C2CD3: variants seen among roughly 807,000 people sequenced by gnomAD.
The protein encoded by C2CD3 is C2 domain-containing protein 3.
C2CD3 carries 148 observed loss-of-function variants against 234.0 expected under a neutral mutation model. The observed-to-expected ratio is 0.63, with a 90% CI of 0.55 to 0.72. The LOEUF is 0.72. Among genes scored for constraint, C2CD3 ranks in the 30% least tolerant of loss-of-function variants. The probability of loss-of-function intolerance (pLI) is 0.00; values close to 1 mark genes in which losing one functional copy is unlikely to be tolerated. For synonymous variants in C2CD3, 1,000 were observed against 1,035.4 expected (o/e 0.97, Z 0.66); for missense variants, 2,577 against 2,811.5 (o/e 0.92, Z 1.89).
intron 13 of C2CD3, among the ~76,000 whole-genome samples, chr11:74,105,714 C>T (rs1019094698): frequency 6.6e-6 from 1 of 152,216 alleles, no homozygotes; most frequent in African/African-American, 2.4e-5. Context: ...ACCAGGCACA[C>T]TTAGTTACTG....
intron 32 of C2CD3, among the ~76,000 whole-genome samples, chr11:74,017,038 G>A (rs1215012461): frequency 1.3e-5 from 2 of 152,206 alleles, no homozygotes; most frequent in African/African-American, 2.4e-5. Context: ...ACGTGGAGGT[G>A]CAGGTTTTGT....
At chr11:74,062,824 A>C (rs1480814642) in intron 24 of C2CD3, among the ~76,000 whole-genome samples, 3 of 152,186 alleles carry the variant, frequency 2.0e-5, no homozygotes, top group East Asian at 1.9e-4. Context: ...CAAAAAAAAA[A>C]ACCAATGAAT....
chr11:74,090,880 G>T lies in C2CD3; in HGVS notation c.3574C>A (p.Leu1192Ile), dbSNP rs780518940. The T allele has an allele frequency of 6.2e-7, 1 of 1,614,022 alleles. No homozygotes were observed. Among genetic ancestry groups the T allele is most frequent in the Admixed American group, 1.7e-5 (1 of 60,012 alleles). ...RRSPRTAEGV[L>I]AARTVSISVQ... ...GAGATGGAAACAGTTCGGGCAGCAA[G>T]AACTCCCTCTGCTGTTCTTGGACTA... The change falls in exon 20 of 33, where the codon CTT becomes ATT. Residue 1192 changes from leucine (L) to isoleucine (I), a missense_variant. By Grantham distance (5) the Leu-to-Ile change is conservative. Transcript: ENST00000334126.
At position 74,095,255 on chromosome 11, in the gene C2CD3, G is replaced by T; in HGVS notation, c.3133C>A (p.Leu1045Met). The change falls in exon 17 of 33, where the codon CTG becomes ATG. Residue 1045 changes from leucine (L) to methionine (M), a missense_variant. Coordinates refer to ENST00000334126, the MANE Select transcript of C2CD3 (RefSeq NM_001286577.2). ...TTTTCAAGGAACTCAGGTCCTTTCA[G>T]CACACTGGATTGAGAGTGTTGAACT... ...FPVQHSQSSV[L>M]KGPEFLENGI... The T allele has an allele frequency of 6.2e-7, 1 of 1,612,974 alleles. No homozygotes were observed.
intron 26 of C2CD3, among the ~76,000 whole-genome samples, chr11:74,050,226 C>T (rs1953610960): frequency 6.6e-6 from 1 of 152,162 alleles, no homozygotes; most frequent in Non-Finnish European, 1.5e-5. Context: ...ATTTATACTT[C>T]TCTATATTTT....
chr11:74,139,813 C>G lies in C2CD3; in HGVS notation c.499G>C (p.Glu167Gln), dbSNP rs764277015. The change falls in exon 4 of 33, where the codon GAA becomes CAA. Residue 167 changes from glutamate (E) to glutamine (Q), a missense_variant. Transcript: ENST00000334126. ...CTGTCGTAAGTTTCTGACAGAGGTT[C>G]CAGGGCAAGTGAGACCTAAGAGAGA... ...LGELQVSLALEPLSETYDSYH... is the reference protein window; with the variant it reads ...LGELQVSLALQPLSETYDSYH... 8 of 1,610,508 alleles carry G rather than the reference C, an allele frequency of 5.0e-6. No individual in the cohort carries two copies. The highest frequency in any genetic ancestry group is 5.9e-6 in the Non-Finnish European group (7 of 1,176,798).
intron 12 of C2CD3, among the ~76,000 whole-genome samples, chr11:74,107,185 C>T (rs1359143664): frequency 6.6e-6 from 1 of 152,044 alleles, no homozygotes; most frequent in African/African-American, 2.4e-5. Flanking sequence ...ATTAGCTGGG[C>T]ATGGTGGCGG....
intron 15 of C2CD3, among the ~76,000 whole-genome samples, chr11:74,098,798 G>A (rs1006131907): frequency 6.6e-6 from 1 of 152,190 alleles, no homozygotes; most frequent in Non-Finnish European, 1.5e-5. Context: ...CAACTAGTAG[G>A]AGGTTAAGTT....
chr11:74,078,281 T>C lies in C2CD3; in HGVS notation c.4437A>G (p.Pro1479=), dbSNP rs765157060. 2.5e-6 allele frequency: 4 copies of C among 1,614,086 alleles called. No individual in the cohort carries two copies. In the South Asian group the frequency reaches 4.4e-5, roughly 18 times the overall value. The stretch of plus-strand genomic sequence containing the variant: ...CCTCCCTGAAGTACCAAAGCAGTGA[T>C]GGGCCCCTGGTGACTTCTGCTCTTT... The part of the protein sequence containing the change: ...ASKRAEVTRG[P]SLLWYFREER... Residue 1479 remains proline, a synonymous_variant, in exon 23 of 33, where the codon CCA becomes CCG. Coordinates refer to ENST00000334126, the MANE Select transcript of C2CD3 (RefSeq NM_001286577.2).
At chr11:74,064,050 G>C (rs1326566571) in intron 24 of C2CD3, among the ~76,000 whole-genome samples, 2 of 137,572 alleles carry the variant, frequency 1.5e-5, no homozygotes, top group Admixed American at 7.3e-5. Flanking sequence ...TCCCTCCCCC[G>C]TCCCACCCCA....
intron 24 of C2CD3, among the ~76,000 whole-genome samples, chr11:74,067,952 G>A (rs1954619909): frequency 6.6e-6 from 1 of 152,178 alleles, no homozygotes; most frequent in Admixed American, 6.5e-5. Flanking sequence ...GGATGATGAT[G>A]TAGAGACATT....
intron 7 of C2CD3, among the ~76,000 whole-genome samples, chr11:74,130,265 G>A (rs865939650): frequency 1.8e-4 from 27 of 150,042 alleles, no homozygotes; most frequent in Non-Finnish European, 3.0e-4. Context: ...TCGCTTTGTC[G>A]CTGAAGCTGG....
chr11:74,161,582 A>G, intron 2 of C2CD3, 26 bp from the exon 3 acceptor site: 1 of 1,493,012 alleles, frequency 6.7e-7, no homozygotes, highest in Non-Finnish European at 9.0e-7. Context: ...TACAACATGG[A>G]TATTTTTCAT....
Position 74,117,576 on chromosome 11 carries a change from T to C in C2CD3, c.1520+652A>G, listed in dbSNP as rs1269962838. On this transcript the variant is annotated intron_variant, in intron 9 of 32. Transcript: ENST00000334126. ...GGCATAAGAATGATACAATGGACTT[T>C]GGAAACTGAGGGCAAGAGTGGGAAG... Among the ~76,000 whole-genome samples, 6 of 151,544 alleles carry C rather than the reference T, an allele frequency of 4.0e-5. No homozygotes were observed. The East Asian group carries it at 1.2e-3, about 29-fold the overall frequency.
At chr11:74,071,258 C>T (rs1954778356) in intron 24 of C2CD3, among the ~76,000 whole-genome samples, 1 of 152,186 alleles carries the variant, frequency 6.6e-6, no homozygotes, top group African/African-American at 2.4e-5. Context: ...CTGTAAATCA[C>T]TTGTTATTTA....
intron 18 of C2CD3, among the ~76,000 whole-genome samples, chr11:74,093,597 A>G (rs534385351): frequency 1.3e-5 from 2 of 152,298 alleles, no homozygotes; most frequent in East Asian, 3.9e-4. Flanking sequence ...CAATGTAAGT[A>G]GTGATTAGAA....
chr11:74,063,623 G>A (rs570022744), intron 24 of C2CD3, among the ~76,000 whole-genome samples: 1 of 152,264 alleles, frequency 6.6e-6, no homozygotes, highest in Admixed American at 6.5e-5. Context: ...TTGATGGGGT[G>A]TATCTCAAAA....
intron 26 of C2CD3, 148 bp from the exon 27 acceptor site, chr11:74,049,690 G>A: frequency 1.6e-6 from 1 of 639,490 alleles, no homozygotes; most frequent in Non-Finnish European, 2.7e-6. Context: ...AAGTTGAGAG[G>A]GACTGGCAAC....
intron 2 of C2CD3, among the ~76,000 whole-genome samples, chr11:74,163,501 A>C (rs1856607555): frequency 6.6e-6 from 1 of 152,232 alleles, no homozygotes; most frequent in South Asian, 2.1e-4. Flanking sequence ...TAACTGAATC[A>C]CAAGTGCGGT....
Sources: allele counts gnomAD v4.1 joint callset (sites outside exome capture counted in the v4.1 genomes callset), GRCh38; gene constraint gnomAD v4.1.1; transcripts MANE v1.5; gene names NCBI Gene and HGNC (gene_info 2026-07-23, HGNC 2026-07-21).